Variants in NFYC observed in about 807,000 individuals in gnomAD.
NFYC encodes the protein nuclear transcription factor Y subunit gamma.
A neutral mutation model predicts 53.1 loss-of-function variants in NFYC; 25 were observed. The ratio of observed to expected loss-of-function variants is 0.47; its 90% confidence interval spans 0.34 to 0.66. NFYC has a LOEUF of 0.66. Among genes scored for constraint, NFYC ranks in the 30% least tolerant of loss-of-function variants. NFYC has a pLI of 0.01. For missense variants in NFYC, 260 were observed against 422.7 expected, an observed-to-expected ratio of 0.62 and a Z score of 3.38; for synonymous variants, 145 against 152.6, an observed-to-expected ratio of 0.95 and a Z score of 0.37.
intron 7 of NFYC, among the ~76,000 whole-genome samples, chr1:40,764,673 C>T (rs148462317): frequency 6.6e-6 from 1 of 152,214 alleles, no homozygotes; most frequent in Non-Finnish European, 1.5e-5. Flanking sequence ...CATTTCCAGA[C>T]TCTTTAGGCA....
intron 2 of NFYC, among the ~76,000 whole-genome samples, chr1:40,740,743 G>T (rs189189819): frequency 3.6e-4 from 55 of 152,284 alleles, no homozygotes; most frequent in Admixed American, 1.4e-3. Flanking sequence ...TCAGCTTTTG[G>T]TGCTGGGGTC....
chr1:40,691,835 C>T lies in NFYC; in HGVS notation c.-41C>T, dbSNP rs950934092. The stretch of plus-strand genomic sequence containing the variant: ...GCCCGACTCCGTAGGAGCGCGGGGG[C>T]GGCTCCTGCTCTTCCTGGACTCCTG... On this transcript the variant is annotated 5_prime_UTR_variant, in exon 1 of 10. Transcript: ENST00000447388. 2 of 433,572 alleles carry T rather than the reference C, an allele frequency of 4.6e-6. No homozygotes were observed. The highest frequency in any genetic ancestry group is 4.1e-5 in the African/African-American group (2 of 48,414). The allele number at this position is 433,572 out of a possible 1,614,324, so 26.9% of individuals were successfully genotyped here.
chr1:40,741,525 T>C (rs1350693563), intron 2 of NFYC, among the ~76,000 whole-genome samples: 1 of 150,364 alleles, frequency 6.7e-6, no homozygotes, highest in Non-Finnish European at 1.5e-5. Context: ...GTATTTGTCT[T>C]TTTGTCTTAT....
chr1:40,761,796 A>G (rs1646559075), intron 6 of NFYC, among the ~76,000 whole-genome samples: 1 of 152,190 alleles, frequency 6.6e-6, no homozygotes, highest in African/African-American at 2.4e-5. Flanking sequence ...GAAGTTTATG[A>G]TTCATTGAGA....
At chr1:40,764,217 C>T (rs530686123) in intron 7 of NFYC, among the ~76,000 whole-genome samples, 41 of 152,332 alleles carry the variant, frequency 2.7e-4, no homozygotes, top group African/African-American at 9.6e-4. Flanking sequence ...CCATTTTTGT[C>T]ATAAATGAAA....
chr1:40,765,083 G>A (rs1280688346), intron 7 of NFYC, among the ~76,000 whole-genome samples: 1 of 152,190 alleles, frequency 6.6e-6, no homozygotes, highest in Non-Finnish European at 1.5e-5. Context: ...GCCACCATCA[G>A]TCTCTGTAGA....
At chr1:40,743,766 T>G (rs1051734307) in intron 2 of NFYC, among the ~76,000 whole-genome samples, 5 of 152,210 alleles carry the variant, frequency 3.3e-5, no homozygotes, top group African/African-American at 1.2e-4. Flanking sequence ...TTCTCAAACT[T>G]TATTGTCTGT....
At chr1:40,692,846 T>C (rs1271591287) in intron 1 of NFYC, among the ~76,000 whole-genome samples, 1 of 152,150 alleles carries the variant, frequency 6.6e-6, no homozygotes, top group African/African-American at 2.4e-5. Flanking sequence ...TAGGGGACAT[T>C]TTCGGACTTG....
Position 40,724,183 on chromosome 1 carries a change from A to G in NFYC, c.-8-14653A>G, listed in dbSNP as rs181202041. Among the ~76,000 whole-genome samples the G allele has an allele frequency of 1.8e-3, 276 of 152,304 alleles. 1 individual carries two copies. The highest frequency in any genetic ancestry group is 6.5e-3 in the African/African-American group (270 of 41,568). On this transcript the variant is annotated intron_variant, in intron 1 of 9. Coordinates refer to ENST00000447388, the MANE Select transcript of NFYC (RefSeq NM_014223.5). ...TCAGGAGTTCAAGACCAACCTGGTC[A>G]ACATGGTGAAACCCGTCTCTTCAAA...
chr1:40,749,726 A>T, intron 4 of NFYC, 40 bp downstream of exon 4: 1 of 1,523,238 alleles, frequency 6.6e-7, no homozygotes. Context: ...TGGGGTAAGC[A>T]GCAGCCTTTG....
rs529380340 is a variant in NFYC, at chr1:40,698,648, G to A, written c.-9+6781G>A. On this transcript the variant is annotated intron_variant, in intron 1 of 9. Transcript: ENST00000447388. ...TCATCTTGTTGGCCAGGCTGGTCAC[G>A]AACTGCTGACCTCAGGTGATCTGCC... 6.6e-5 allele frequency among the ~76,000 whole-genome samples: 10 copies of A among 151,856 alleles called. No individual in the cohort carries two copies. In the East Asian group the frequency reaches 1.4e-3, roughly 21 times the overall value.
At position 40,770,094 on chromosome 1, in the gene NFYC, GAGCGCCTGGGAAACCAAGT is replaced by G. The variant is rs2148819585; in HGVS notation, c.889-612_889-594del. Among the ~76,000 whole-genome samples, 1 of 152,288 alleles carries G rather than the reference GAGCGCCTGGGAAACCAAGT, an allele frequency of 6.6e-6. No individual in the cohort carries two copies. Among genetic ancestry groups the G allele is most frequent in the Admixed American group, 6.5e-5 (1 of 15,290 alleles). On this transcript the variant is annotated intron_variant, in intron 9 of 9. Coordinates refer to ENST00000447388, the MANE Select transcript of NFYC (RefSeq NM_014223.5). The surrounding 1 kb of genome is among the most constrained non-coding windows in gnomAD (Gnocchi z 5.3). ...GGGCTTGGCTTTTGGCTTCTTTGGG[GAGCGCCTGGGAAACCAAGT>G]AGTCAATTAGCCCTGACCTTCCTAA...
chr1:40,696,586 G>A (rs532249685), intron 1 of NFYC, among the ~76,000 whole-genome samples: 29 of 152,320 alleles, frequency 1.9e-4, no homozygotes, highest in African/African-American at 6.7e-4. Flanking sequence ...CCACTGGATA[G>A]CATTGCCTCT....
At chr1:40,699,985 C>T (rs1280940121) in intron 1 of NFYC, among the ~76,000 whole-genome samples, 2 of 152,116 alleles carry the variant, frequency 1.3e-5, no homozygotes, top group African/African-American at 4.8e-5. Context: ...GGTCATGGAC[C>T]GCTGTTTGTG....
chr1:40,753,100 G>A, intron 4 of NFYC, 51 bp from the exon 5 acceptor site: 1 of 1,369,410 alleles, frequency 7.3e-7, no homozygotes, highest in Non-Finnish European at 1.0e-6. Context: ...AAAGCCAAGT[G>A]AACTAGTTTC....
At chr1:40,705,586 T>G (rs541826378) in intron 1 of NFYC, among the ~76,000 whole-genome samples, 1 of 152,220 alleles carries the variant, frequency 6.6e-6, no homozygotes, top group Non-Finnish European at 1.5e-5. Context: ...ACCTAGTTGT[T>G]TCATGCTCTT....
At chr1:40,761,931 C>T (rs992735238) in intron 6 of NFYC, among the ~76,000 whole-genome samples, 2 of 151,396 alleles carry the variant, frequency 1.3e-5, no homozygotes, top group African/African-American at 4.9e-5. Context: ...ACCCCCGCCA[C>T]CCCCCATCAC....
At chr1:40,762,787 A>C in intron 6 of NFYC, 101 bp from the exon 7 acceptor site, 1 of 1,135,698 alleles carries the variant, frequency 8.8e-7, no homozygotes, top group Non-Finnish European at 1.2e-6. Context: ...GCATTCATGG[A>C]GAGGGTTTGC....
intron 2 of NFYC, among the ~76,000 whole-genome samples, chr1:40,743,643 C>CT (rs1645463701): frequency 6.6e-6 from 1 of 152,206 alleles, no homozygotes; most frequent in South Asian, 2.1e-4. Flanking sequence ...GATGACATTT[C>CT]TAACATTACA....
Sources: allele counts gnomAD v4.1 joint callset (sites outside exome capture counted in the v4.1 genomes callset), GRCh38; gene constraint gnomAD v4.1.1; non-coding constraint Gnocchi (gnomAD v3.1); transcripts MANE v1.5; gene names NCBI Gene and HGNC (gene_info 2026-07-23, HGNC 2026-07-21).